SEL1L3: variants seen among roughly 807,000 people sequenced by gnomAD.
SEL1L3 encodes the protein protein sel-1 homolog 3.
SEL1L3 carries 76 observed loss-of-function variants against 142.8 expected under a neutral mutation model. The observed-to-expected ratio is 0.53, with a 90% CI of 0.44 to 0.64. The LOEUF is 0.64. Ranked by LOEUF, SEL1L3 falls within the 30% of genes least tolerant of loss-of-function variation. The probability of loss-of-function intolerance (pLI) is 0.00; values close to 1 mark genes in which losing one functional copy is unlikely to be tolerated. For missense variants in SEL1L3, 1,262 were observed against 1,381.7 expected, an observed-to-expected ratio of 0.91 and a Z score of 1.37; for synonymous variants, 504 against 519.6, an observed-to-expected ratio of 0.97 and a Z score of 0.41.
In SEL1L3 at chr4:25,804,650, G is replaced by A. The variant is rs970668073; in HGVS notation, c.1667C>T (p.Ser556Phe). 1.2e-6 allele frequency: 2 copies of A among 1,613,558 alleles called. No homozygotes were observed. ...GGAATCCGTCAGAAAGGGGACGATA[G>A]AGCTAATTTGGTGAAGACCATCAAT... ...SSIDGLHQIS[S>F]IVPFLTDSSC... is the part of the protein sequence containing the mutation. Residue 556 changes from serine to phenylalanine, a missense_variant, in exon 10 of 24, where the codon TCT becomes TTT. Transcript: ENST00000399878.
rs763389074 is a variant in SEL1L3 at position 25,748,384 on chromosome 4, A to G, written c.*41T>C. On this transcript the variant is annotated 3_prime_UTR_variant, in exon 24 of 24. Coordinates refer to ENST00000399878, the MANE Select transcript of SEL1L3 (RefSeq NM_015187.5). The stretch of plus-strand genomic sequence containing the variant: ...CCCAGCTTCCCAATACCAGCTGTTG[A>G]AAAGATTCTCTCTCATCTGGAGAGA... The G allele has an allele frequency of 1.9e-6, 3 of 1,567,026 alleles. No individual in the cohort carries two copies. The highest frequency in any genetic ancestry group is 8.7e-7 in the Non-Finnish European group (1 of 1,153,596).
intron 1 of SEL1L3, among the ~76,000 whole-genome samples, chr4:25,850,061 G>A (rs891395998): frequency 6.6e-6 from 1 of 152,186 alleles, no homozygotes; most frequent in Non-Finnish European, 1.5e-5. Flanking sequence ...GCATAAGCCG[G>A]GCAAGAGGCA....
At position 25,790,493 on chromosome 4, in the gene SEL1L3, A is replaced by G. The variant is rs1486332605; in HGVS notation, c.2038T>C (p.Leu680=). 3 of 1,613,696 alleles carry G rather than the reference A, an allele frequency of 1.9e-6. No homozygotes were observed. Among genetic ancestry groups the G allele is most frequent in the Admixed American group, 1.7e-5 (1 of 59,992 alleles). ...TTGCCTCGGGTAGCTTCATGCTTCA[A>G]CCACATAAAGACATCTCCATCTTCT... ...TKEDGDVFMW[L]KHEATRGNAA... The change falls in exon 12 of 24, where the codon TTG becomes CTG. Residue 680 remains leucine, a synonymous_variant. Transcript: ENST00000399878.
Position 25,830,168 on chromosome 4 carries a change from G to A in SEL1L3, c.1099-12C>T, listed in dbSNP as rs760828313. On this transcript the variant is annotated splice_polypyrimidine_tract_variant and intron_variant, in intron 5 of 23. Transcript: ENST00000399878. ...GTGGTTACTACTATCTATGATGGGA[G>A]GGATACACAAGAATCAGTTATGCCT... 15 of 1,582,134 alleles carry A rather than the reference G, an allele frequency of 9.5e-6. No individual in the cohort carries two copies. In the South Asian group the frequency reaches 1.3e-4, roughly 14 times the overall value.
chr4:25,728,933 G>A, the SEL1L3 span, among the ~76,000 whole-genome samples: 1 of 151,860 alleles, frequency 6.6e-6, no homozygotes, highest in Non-Finnish European at 1.5e-5. Flanking sequence ...ACTGGCCAAG[G>A]AGACCTTAGA....
At chr4:25,821,910 A>C in intron 7 of SEL1L3, 86 bp downstream of exon 7, 1 of 1,409,040 alleles carries the variant, frequency 7.1e-7, no homozygotes, top group Admixed American at 2.6e-5. Flanking sequence ...GCTTGGGTAA[A>C]CTTTTATTTA....
chr4:25,758,415 G>A (rs1718141317), intron 21 of SEL1L3, among the ~76,000 whole-genome samples: 1 of 152,182 alleles, frequency 6.6e-6, no homozygotes, highest in South Asian at 2.1e-4. Flanking sequence ...AGGTTGCAGT[G>A]AGCTGAGATC....
At chr4:25,768,287 AG>A (rs1451699315) in intron 17 of SEL1L3, among the ~76,000 whole-genome samples, 6 of 152,244 alleles carry the variant, frequency 3.9e-5, no homozygotes, top group Admixed American at 3.9e-4. Context: ...AGTTTGGCAA[AG>A]GAAAGGCAGT....
chr4:25,860,467 A>G (rs1012418093), intron 1 of SEL1L3: 1 of 152,032 alleles, frequency 6.6e-6, no homozygotes, highest in African/African-American at 2.4e-5. Flanking sequence ...GGATATTTAC[A>G]TTTTCCCCAA....
intron 1 of SEL1L3, among the ~76,000 whole-genome samples, chr4:25,859,423 A>C (rs1333372385): frequency 6.6e-6 from 1 of 152,184 alleles, no homozygotes; most frequent in Non-Finnish European, 1.5e-5. Context: ...CTTTGGCAGT[A>C]TCCTAGCTAC....
At chr4:25,761,185 ATT>A (rs200435593) in intron 20 of SEL1L3, among the ~76,000 whole-genome samples, 4 of 152,070 alleles carry the variant, frequency 2.6e-5, no homozygotes, top group Non-Finnish European at 5.9e-5. Context: ...TGGCTTTATG[ATT>A]TTTTGTTTTG....
intron 3 of SEL1L3, among the ~76,000 whole-genome samples, chr4:25,834,875 G>A (rs1715691998): frequency 6.6e-6 from 1 of 152,186 alleles, no homozygotes; most frequent in Non-Finnish European, 1.5e-5. Flanking sequence ...GAAAGGCAAA[G>A]CCAAGGCTGC....
rs1183825194 is a variant in SEL1L3 at position 25,833,458 on chromosome 4, A to G, written c.972T>C (p.Leu324=). Residue 324 remains leucine, a synonymous_variant, in exon 4 of 24, where the codon CTT becomes CTC. Coordinates refer to ENST00000399878, the MANE Select transcript of SEL1L3 (RefSeq NM_015187.5). ...CTGTTTTATACTCACCCTCTTCCGT[A>G]AGAAATACAGAAGGTGTGCCGTACA... ...NEMYGTPSVF[L]TEEGYLHIQM... 3.1e-6 allele frequency: 5 copies of G among 1,611,648 alleles called. No homozygotes were observed. The African/African-American group carries it at 5.3e-5, about 17-fold the overall frequency.
In SEL1L3 at chr4:25,748,134, C is replaced by T. The variant is rs982155921; in HGVS notation, c.*291G>A. ...TCTGCCGTAGGGCATGCTATGACTC[C>T]TAATACATACAATCACTAGAACAAA... On this transcript the variant is annotated 3_prime_UTR_variant, in exon 24 of 24. Coordinates refer to ENST00000399878, the MANE Select transcript of SEL1L3 (RefSeq NM_015187.5). 2 of 393,682 alleles carry T rather than the reference C, an allele frequency of 5.1e-6. No homozygotes were observed. Among genetic ancestry groups the T allele is most frequent in the East Asian group, 1.0e-4 (2 of 19,688 alleles). 24.4% of individuals were successfully genotyped at this position (393,682 alleles called of 1,614,324 possible). A position where few individuals can be genotyped will look rare whatever the true frequency, so the allele number is the denominator to read the frequency against.
At chr4:25,742,310 C>T in the SEL1L3 span, among the ~76,000 whole-genome samples, 3 of 151,960 alleles carry the variant, frequency 2.0e-5, no homozygotes, top group African/African-American at 4.8e-5. Flanking sequence ...CTCAGCCTCC[C>T]GAGTATCTAG....
chr4:25,730,812 T>G, the SEL1L3 span, among the ~76,000 whole-genome samples: 1 of 152,106 alleles, frequency 6.6e-6, no homozygotes, highest in Non-Finnish European at 1.5e-5. Flanking sequence ...GCAGATCACC[T>G]GAGGTCAGGA....
chr4:25,858,500 G>T (rs530382520), intron 1 of SEL1L3, among the ~76,000 whole-genome samples: 1 of 152,152 alleles, frequency 6.6e-6, no homozygotes, highest in Non-Finnish European at 1.5e-5. Flanking sequence ...TGTCACAGCC[G>T]CTGTCTGCTA....
At chr4:25,801,457 A>G (rs867337610) in intron 11 of SEL1L3, among the ~76,000 whole-genome samples, 79 of 152,270 alleles carry the variant, frequency 5.2e-4, no homozygotes, top group African/African-American at 1.8e-3. Context: ...CCACCATTCG[A>G]TGCAGATCTG....
the SEL1L3 span, among the ~76,000 whole-genome samples, chr4:25,727,300 C>G: frequency 6.6e-5 from 10 of 152,138 alleles, no homozygotes; most frequent in Non-Finnish European, 1.3e-4. Flanking sequence ...GATCCGCCCT[C>G]CTTGGCCTCC....
Sources: gnomAD v4.1 joint callset for allele counts (sites outside exome capture counted in the v4.1 genomes callset) on GRCh38, gnomAD v4.1.1 for gene constraint, MANE v1.5 for transcripts, NCBI Gene and HGNC (gene_info 2026-07-23, HGNC 2026-07-21) for gene names.